PPARA: variants seen among roughly 807,000 people sequenced by gnomAD.
The protein encoded by PPARA is peroxisome proliferator-activated receptor alpha.
A neutral mutation model predicts 42.2 loss-of-function variants in PPARA; 22 were observed. The observed-to-expected ratio is 0.52, with a 90% CI of 0.37 to 0.74. The LOEUF (loss-of-function observed/expected upper bound fraction) is 0.74, where lower values mean the gene tolerates loss of function less well. Ranked by LOEUF, PPARA falls within the 30% of genes least tolerant of loss-of-function variation. The pLI is 0.00. For missense variants in PPARA, 465 were observed against 608.2 expected (o/e 0.76, Z 2.48); for synonymous variants, 242 against 239.3 (o/e 1.01, Z -0.10).
At chr22:46,197,553 C>T (rs892378766) in intron 3 of PPARA, among the ~76,000 whole-genome samples, 6 of 152,166 alleles carry the variant, frequency 3.9e-5, no homozygotes, top group Non-Finnish European at 8.8e-5. Flanking sequence ...AGTGGTGCTC[C>T]TGTGTAGATG....
rs1276179759 is a variant in PPARA at position 46,200,963 on chromosome 22, C to CA, written c.208+2373dup. Reference sequence around the variant, plus strand: ...GCGTGGTGGCTCATGCCTGTAATCCCAGCACTTTGGGAGGCTGAGGCGGGC... The same window carrying CA: ...GCGTGGTGGCTCATGCCTGTAATCCCAAGCACTTTGGGAGGCTGAGGCGGGC... On this transcript the variant is annotated intron_variant, in intron 4 of 8. Coordinates refer to ENST00000407236, the MANE Select transcript of PPARA (RefSeq NM_005036.6). This position sits in a 1 kb window ranked among gnomAD's most constrained non-coding sequence, Gnocchi z 4.8. Among the ~76,000 whole-genome samples, 1 of 151,850 alleles carries CA rather than the reference C, an allele frequency of 6.6e-6. No individual in the cohort carries two copies. The highest frequency in any genetic ancestry group is 6.6e-5 in the Admixed American group (1 of 15,208).
Position 46,235,067 on chromosome 22 carries a change from T to C in PPARA, c.1160-66T>C. ...ACATAAAATAGGCATGTTTGGTTCCTGAAACTGATAAGCAGTTCTTGGGTG... is the reference window on the plus strand; with the variant it reads ...ACATAAAATAGGCATGTTTGGTTCCCGAAACTGATAAGCAGTTCTTGGGTG... On this transcript the variant is annotated intron_variant, in intron 8 of 8. Transcript: ENST00000407236. This position sits in a 1 kb window ranked among gnomAD's most constrained non-coding sequence, Gnocchi z 7.0. The C allele has an allele frequency of 1.9e-6, 3 of 1,607,438 alleles. No individual in the cohort carries two copies. Among genetic ancestry groups the C allele is most frequent in the Non-Finnish European group, 2.6e-6 (3 of 1,174,244 alleles).
rs558349195 is a variant in PPARA at position 46,220,836 on chromosome 22, G to A, written c.711+822G>A. 3.5e-3 allele frequency among the ~76,000 whole-genome samples: 528 copies of A among 151,954 alleles called. 5 individuals are homozygous for A. Among genetic ancestry groups the A allele is most frequent in the African/African-American group, 0.012 (517 of 41,442 alleles). Reference sequence around the variant, plus strand: ...CACACACCTGTAATTCCAGCTACTTGGGTGGCTTAGGCATGAGAATTGCTT... The same window carrying A: ...CACACACCTGTAATTCCAGCTACTTAGGTGGCTTAGGCATGAGAATTGCTT... On this transcript the variant is annotated intron_variant, in intron 7 of 8. Coordinates refer to ENST00000407236, the MANE Select transcript of PPARA (RefSeq NM_005036.6).
In PPARA at chr22:46,225,621, G is replaced by A. The variant is rs1453894309; in HGVS notation, c.711+5607G>A. 1.4e-5 allele frequency among the ~76,000 whole-genome samples: 2 copies of A among 141,012 alleles called. No homozygotes were observed. The highest frequency in any genetic ancestry group is 5.3e-5 in the African/African-American group (2 of 37,510). The allele number at this position is 141,012 out of a possible 152,430, so 92.5% of individuals were successfully genotyped here. A position where few individuals can be genotyped will look rare whatever the true frequency, so the allele number is the denominator to read the frequency against. ...CAGTCACACATCCATGCATGCATGT[G>A]TACACAAACACACCCACACATACAC... On this transcript the variant is annotated intron_variant, in intron 7 of 8. Coordinates refer to ENST00000407236, the MANE Select transcript of PPARA (RefSeq NM_005036.6). The surrounding 1 kb of genome is among the most constrained non-coding windows in gnomAD (Gnocchi z 4.1).
At chr22:46,206,181 A>G (rs1436716351) in intron 4 of PPARA, among the ~76,000 whole-genome samples, 2 of 152,052 alleles carry the variant, frequency 1.3e-5, no homozygotes, top group African/African-American at 4.8e-5. Flanking sequence ...GGCTCACTGC[A>G]ACCTCTGCCT....
At chr22:46,199,401 G>A (rs1932753394) in intron 4 of PPARA, among the ~76,000 whole-genome samples, 1 of 152,186 alleles carries the variant, frequency 6.6e-6, no homozygotes, top group Non-Finnish European at 1.5e-5. Context: ...GGAAGGCCGA[G>A]GCAAGTGGAT....
chr22:46,228,368 C>T (rs1935618123), intron 7 of PPARA, among the ~76,000 whole-genome samples: 1 of 151,632 alleles, frequency 6.6e-6, no homozygotes, highest in Non-Finnish European at 1.5e-5. Context: ...AACCCCATCT[C>T]TACTAAAAAT....
Position 46,167,421 on chromosome 22 carries a change from C to T in PPARA, c.-126-9332C>T, listed in dbSNP as rs772824535. Among the ~76,000 whole-genome samples, 6 of 152,080 alleles carry T rather than the reference C, an allele frequency of 3.9e-5. No individual in the cohort carries two copies. Among genetic ancestry groups the T allele is most frequent in the Non-Finnish European group, 7.4e-5 (5 of 67,996 alleles). ...CATCTTGCACTTTGAGAGGCCAAGG[C>T]GGGTGGATCACTTGGCCCCAGGAGT... is the stretch of plus-strand genomic sequence containing the variant. On this transcript the variant is annotated intron_variant, in intron 2 of 8. Transcript: ENST00000407236. The surrounding 1 kb of genome is among the most constrained non-coding windows in gnomAD (Gnocchi z 4.1).
In PPARA at chr22:46,239,528, A is replaced by T. The variant is rs1266517319; in HGVS notation, c.*4148A>T. The T allele has an allele frequency of 6.7e-6, 1 of 148,458 alleles. No individual in the cohort carries two copies. The highest frequency in any genetic ancestry group is 2.5e-5 in the African/African-American group (1 of 40,010). The allele number at this position is 148,458 out of a possible 1,614,324, so 9.2% of individuals were successfully genotyped here. A position where few individuals can be genotyped will look rare whatever the true frequency, so the allele number is the denominator to read the frequency against. On this transcript the variant is annotated 3_prime_UTR_variant, in exon 9 of 9. Transcript: ENST00000407236. ...CGTCTGGAAGGAACTTCGGTTGTGT[A>T]AAGGGAGCCTTGAAGATACGTGCAA...
intron 2 of PPARA, among the ~76,000 whole-genome samples, chr22:46,159,179 AC>A (rs1925775447): frequency 7.5e-6 from 1 of 133,700 alleles, no homozygotes; most frequent in Non-Finnish European, 1.6e-5. Flanking sequence ...GGCATGAGCC[AC>A]CACACCTGGC....
At chr22:46,217,721 G>T (rs1934613522) in intron 5 of PPARA, among the ~76,000 whole-genome samples, 1 of 150,674 alleles carries the variant, frequency 6.6e-6, no homozygotes, top group South Asian at 2.1e-4. Flanking sequence ...GACTTCGAAT[G>T]CTGCCTCATT....
chr22:46,151,388 G>C (rs1461194359), intron 1 of PPARA, among the ~76,000 whole-genome samples: 1 of 152,244 alleles, frequency 6.6e-6, no homozygotes, highest in Non-Finnish European at 1.5e-5. Context: ...GGTCTTTCCG[G>C]AGTCCCGGGC....
At position 46,188,925 on chromosome 22, in the gene PPARA, C is replaced by A. The variant is rs900366634; in HGVS notation, c.-42-9417C>A. On this transcript the variant is annotated intron_variant, in intron 3 of 8. Transcript: ENST00000407236. This position sits in a 1 kb window ranked among gnomAD's most constrained non-coding sequence, Gnocchi z 5.0. ...TAAAACCCATTAGGCCTTTCTTGCT[C>A]TGAAATGTCATCGTTAGTTGTGTGT... The A allele has an allele frequency of 8.5e-5, 13 of 152,250 alleles. No individual in the cohort carries two copies. The highest frequency in any genetic ancestry group is 3.1e-4 in the African/African-American group (13 of 41,458). The allele number at this position is 152,250 out of a possible 1,614,324, so 9.4% of individuals were successfully genotyped here.
Position 46,157,928 on chromosome 22 carries a change from A to G in PPARA, c.-127+5958A>G, listed in dbSNP as rs1390978931. Among the ~76,000 whole-genome samples, 3 of 152,090 alleles carry G rather than the reference A, an allele frequency of 2.0e-5. No individual in the cohort carries two copies. In the East Asian group the frequency reaches 5.8e-4, roughly 29 times the overall value. On this transcript the variant is annotated intron_variant, in intron 2 of 8. Coordinates refer to ENST00000407236, the MANE Select transcript of PPARA (RefSeq NM_005036.6). Reference sequence around the variant, plus strand: ...TTCAGATTTACTTGCTTTATATTTTAACTTATAGACCACAAGCCAACTTTC... The same window carrying G: ...TTCAGATTTACTTGCTTTATATTTTGACTTATAGACCACAAGCCAACTTTC...
At chr22:46,210,448 C>CT (rs762431212) in intron 4 of PPARA, among the ~76,000 whole-genome samples, 121 of 141,766 alleles carry the variant, frequency 8.5e-4, no homozygotes, top group Middle Eastern at 3.6e-3. Context: ...ATTTTCTTTT[C>CT]TTTTTTTTTT....
chr22:46,191,574 C>G lies in PPARA; in HGVS notation c.-42-6768C>G, dbSNP rs185398952. Reference sequence around the variant, plus strand: ...TCTGCAAATTAGATCACCTTTCCCACGCAGAGTCCCTTTGACTTCTGTTCT... The same window carrying G: ...TCTGCAAATTAGATCACCTTTCCCAGGCAGAGTCCCTTTGACTTCTGTTCT... On this transcript the variant is annotated intron_variant, in intron 3 of 8. Transcript: ENST00000407236. The surrounding 1 kb of genome is among the most constrained non-coding windows in gnomAD (Gnocchi z 4.6). Among the ~76,000 whole-genome samples, 1 of 151,740 alleles carries G rather than the reference C, an allele frequency of 6.6e-6. No individual in the cohort carries two copies. The highest frequency in any genetic ancestry group is 1.5e-5 in the Non-Finnish European group (1 of 67,962).
rs45528736 is a variant in PPARA at position 46,242,415 on chromosome 22, A to G, written c.*7035A>G. ...CAGTTCCTTTTCTCATGTACCTCACAAAAGATGAAGACCATGTAGTACTCT... is the reference window on the plus strand; with the variant it reads ...CAGTTCCTTTTCTCATGTACCTCACGAAAGATGAAGACCATGTAGTACTCT... On this transcript the variant is annotated 3_prime_UTR_variant, in exon 9 of 9. Transcript: ENST00000407236. The surrounding 1 kb of genome is among the most constrained non-coding windows in gnomAD (Gnocchi z 6.1). 15,195 of 152,680 alleles carry G rather than the reference A, an allele frequency of 0.1. 826 individuals carry two copies. The highest frequency in any genetic ancestry group is 0.11 in the Non-Finnish European group (7,649 of 68,004). 9.5% of individuals were successfully genotyped at this position (152,680 alleles called of 1,614,324 possible).
Position 46,212,853 on chromosome 22 carries a change from G to A in PPARA, c.209-2320G>A, listed in dbSNP as rs4253723. On this transcript the variant is annotated intron_variant, in intron 4 of 8. Transcript: ENST00000407236. The surrounding 1 kb of genome is among the most constrained non-coding windows in gnomAD (Gnocchi z 4.2). ...TCTACTAAAAATACAAAAATTAGCC[G>A]GGCGTGGTAATGGGCACCTGTAATC... Among the ~76,000 whole-genome samples the A allele has an allele frequency of 0.3, 45,095 of 151,890 alleles. 7,526 individuals carry two copies. The highest frequency in any genetic ancestry group is 0.44 in the African/African-American group (18,315 of 41,394).
intron 4 of PPARA, among the ~76,000 whole-genome samples, chr22:46,201,202 G>A (rs905679052): frequency 2.0e-4 from 30 of 151,226 alleles, no homozygotes; most frequent in African/African-American, 7.1e-4. Flanking sequence ...CCTGGACCCC[G>A]CCTCTCAGCT....
Sources: gnomAD v4.1 joint callset for allele counts (sites outside exome capture counted in the v4.1 genomes callset) on GRCh38, gnomAD v4.1.1 for gene constraint, Gnocchi (gnomAD v3.1) non-coding constraint, MANE v1.5 for transcripts, NCBI Gene and HGNC (gene_info 2026-07-23, HGNC 2026-07-21) for gene names.